SLC26A5: variants seen among roughly 807,000 people sequenced by gnomAD.
SLC26A5 encodes solute carrier family 26 member 5, also known as prestin.
A neutral mutation model predicts 81.0 loss-of-function variants in SLC26A5; 51 were observed. The observed-to-expected ratio is 0.63, with a 90% CI of 0.50 to 0.80. The LOEUF (loss-of-function observed/expected upper bound fraction) is 0.80. Among genes scored for constraint, SLC26A5 ranks in the 30% least tolerant of loss-of-function variants. SLC26A5 has a pLI of 0.00. For missense variants in SLC26A5, 771 were observed against 905.8 expected (o/e 0.85, Z 1.91); for synonymous variants, 325 against 332.8 (o/e 0.98, Z 0.25).
chr7:103,387,802 C>T (rs1336182382), intron 14 of SLC26A5, among the ~76,000 whole-genome samples: 1 of 152,140 alleles, frequency 6.6e-6, no homozygotes, highest in Non-Finnish European at 1.5e-5. Flanking sequence ...CTGCCTCAGC[C>T]TCCTAAGTAG....
intron 8 of SLC26A5, among the ~76,000 whole-genome samples, chr7:103,405,659 G>T (rs1017924880): frequency 1.3e-5 from 2 of 152,210 alleles, no homozygotes; most frequent in Admixed American, 1.3e-4. Flanking sequence ...GAGTTACGGG[G>T]GTCCCACTTG....
chr7:103,411,161 G>A (rs148013313), intron 6 of SLC26A5, among the ~76,000 whole-genome samples: 1 of 152,256 alleles, frequency 6.6e-6, no homozygotes, highest in African/African-American at 2.4e-5. Context: ...AGAGAGGAAT[G>A]TCCTCTCCCA....
intron 2 of SLC26A5, among the ~76,000 whole-genome samples, chr7:103,440,383 C>T (rs1378806986): frequency 6.6e-6 from 1 of 152,116 alleles, no homozygotes; most frequent in Non-Finnish European, 1.5e-5. Flanking sequence ...TAATAATAAT[C>T]CTAAGGACTA....
chr7:103,367,372 G>C lies in SLC26A5; in HGVS notation c.2041+9436C>G, dbSNP rs1295999241. 6.3e-7 allele frequency: 1 copy of C among 1,597,126 alleles called. No individual in the cohort carries two copies. The highest frequency in any genetic ancestry group is 8.6e-7 in the Non-Finnish European group (1 of 1,166,690). ...TCAGGTCATGCATAGTGCTACTCTT[G>C]AGTGGACTTGAAGAGCTTATCTTTC... is the stretch of plus-strand genomic sequence containing the variant. On this transcript the variant is annotated intron_variant, in intron 19 of 19. Coordinates refer to the SLC26A5 transcript ENST00000339444. This position sits in a 1 kb window ranked among gnomAD's most constrained non-coding sequence, Gnocchi z 6.1.
chr7:103,429,684 A>G (rs1204787815), intron 2 of SLC26A5, among the ~76,000 whole-genome samples: 1 of 152,228 alleles, frequency 6.6e-6, no homozygotes, highest in Non-Finnish European at 1.5e-5. Flanking sequence ...ATGTAGAAAG[A>G]GCAAAAGGCC....
chr7:103,356,342 G>C (rs1381950949), intron 19 of SLC26A5, among the ~76,000 whole-genome samples: 2 of 152,160 alleles, frequency 1.3e-5, no homozygotes, highest in African/African-American at 4.8e-5. Flanking sequence ...GTTTCTCAGT[G>C]TATGTGCATA....
At chr7:103,382,780 T>A (rs1442305110) in intron 14 of SLC26A5, among the ~76,000 whole-genome samples, 2 of 152,086 alleles carry the variant, frequency 1.3e-5, no homozygotes, top group African/African-American at 2.4e-5. Context: ...TTAATAATAT[T>A]ATAATAATAG....
chr7:103,386,900 T>C (rs1394207881), intron 14 of SLC26A5, among the ~76,000 whole-genome samples: 3 of 152,092 alleles, frequency 2.0e-5, no homozygotes, highest in Non-Finnish European at 2.9e-5. Flanking sequence ...TAGCTGGGAT[T>C]ACAGGCACTC....
chr7:103,419,865 A>G (rs1354344099), intron 4 of SLC26A5, among the ~76,000 whole-genome samples: 3 of 151,796 alleles, frequency 2.0e-5, no homozygotes, highest in Admixed American at 6.6e-5. Context: ...ATTTCACAAT[A>G]CCTTATATTT....
intron 19 of SLC26A5, among the ~76,000 whole-genome samples, chr7:103,354,326 A>G (rs569701101): frequency 3.1e-4 from 47 of 152,048 alleles, no homozygotes; most frequent in Middle Eastern, 3.4e-3. Context: ...TGAAGTTTTA[A>G]TGCATAGAAA....
At chr7:103,408,463 G>C (rs1824234470) in intron 7 of SLC26A5, among the ~76,000 whole-genome samples, 1 of 152,176 alleles carries the variant, frequency 6.6e-6, no homozygotes, top group Admixed American at 6.5e-5. Context: ...CTGACCTCAA[G>C]TCATCTGCCT....
At chr7:103,413,235 C>A in intron 4 of SLC26A5, 123 bp from the exon 5 acceptor site, 1 of 712,594 alleles carries the variant, frequency 1.4e-6, no homozygotes, top group Non-Finnish European at 2.5e-6. Flanking sequence ...TAAGCTGCAA[C>A]CTGCCCTACC....
In SLC26A5 at chr7:103,367,300, G is replaced by T; in HGVS notation, c.2041+9508C>A. 2 of 887,550 alleles carry T rather than the reference G, an allele frequency of 2.3e-6. No individual in the cohort carries two copies. The highest frequency in any genetic ancestry group is 3.6e-6 in the Non-Finnish European group (2 of 562,704). 55.0% of individuals were successfully genotyped at this position (887,550 alleles called of 1,614,324 possible). On this transcript the variant is annotated intron_variant, in intron 19 of 19. Coordinates refer to the SLC26A5 transcript ENST00000339444. This position sits in a 1 kb window ranked among gnomAD's most constrained non-coding sequence, Gnocchi z 6.1. ...TACAGGATTTGCTTCAAAGTGGGAT[G>T]TCACTTGTGCCTGAGGACATGATTT...
At chr7:103,416,263 G>A (rs909041939) in intron 4 of SLC26A5, among the ~76,000 whole-genome samples, 6 of 152,130 alleles carry the variant, frequency 3.9e-5, no homozygotes, top group African/African-American at 7.2e-5. Context: ...TTGGCTCTTC[G>A]TTTACTGATG....
At chr7:103,415,121 T>G (rs185616790) in intron 4 of SLC26A5, among the ~76,000 whole-genome samples, 15 of 152,336 alleles carry the variant, frequency 9.8e-5, no homozygotes, top group African/African-American at 3.4e-4. Context: ...ACTCATTTAA[T>G]GCACTGTTAT....
At chr7:103,385,902 AG>A (rs1295406310) in intron 14 of SLC26A5, among the ~76,000 whole-genome samples, 1 of 150,382 alleles carries the variant, frequency 6.6e-6, no homozygotes, top group East Asian at 1.9e-4. Flanking sequence ...GGGTTTTACC[AG>A]GTTGCCCAAA....
In SLC26A5 at chr7:103,398,910, C is replaced by T. The variant is rs1030470420; in HGVS notation, c.889-896G>A. ...CTTTTCTGTTGATGACAATTATTTT[C>T]ATCACCCTTAATTGCATTTTTTGTG... On this transcript the variant is annotated intron_variant, in intron 8 of 19. Coordinates refer to ENST00000306312, the MANE Select transcript of SLC26A5 (RefSeq NM_198999.3). 3.3e-5 allele frequency among the ~76,000 whole-genome samples: 5 copies of T among 152,134 alleles called. No individual in the cohort carries two copies. In the East Asian group the frequency reaches 9.6e-4, roughly 29 times the overall value.
At chr7:103,368,191 A>C in intron 19 of SLC26A5, 2 of 799,018 alleles carry the variant, frequency 2.5e-6, no homozygotes, top group Non-Finnish European at 3.8e-6. Context: ...AATATAATAA[A>C]AGGTGATTTC....
At chr7:103,380,632 T>C in intron 14 of SLC26A5, 83 bp from the exon 15 acceptor site, 2 of 1,320,000 alleles carry the variant, frequency 1.5e-6, no homozygotes, top group South Asian at 1.2e-5. Context: ...TTATGTCAGG[T>C]TGGGGTTTGC....
Sources: allele counts gnomAD v4.1 joint callset (sites outside exome capture counted in the v4.1 genomes callset), GRCh38; gene constraint gnomAD v4.1.1; non-coding constraint Gnocchi (gnomAD v3.1); transcripts MANE v1.5; gene names NCBI Gene and HGNC (gene_info 2026-07-23, HGNC 2026-07-21).